Variants in ADARB2 observed in about 807,000 individuals in gnomAD.
ADARB2 encodes the protein adenosine deaminase RNA specific B2 (inactive).
A neutral mutation model predicts 62.2 loss-of-function variants in ADARB2; 25 were observed. The ratio of observed to expected loss-of-function variants is 0.40; its 90% CI spans 0.29 to 0.56. The LOEUF (loss-of-function observed/expected upper bound fraction) is 0.56. Among genes scored for constraint, ADARB2 ranks in the 20% least tolerant of loss-of-function variants. The pLI, the probability that ADARB2 is intolerant of heterozygous loss-of-function variation, is 0.43. For synonymous variants in ADARB2, 572 were observed against 500.8 expected (o/e 1.14, Z -1.90); for missense variants, 1,071 against 1,077.4 (o/e 0.99, Z 0.08).
chr10:1,576,353 A>G lies in ADARB2; in HGVS notation c.100+160698T>C, dbSNP rs185359268. ...GGGTCACAGGATGGGTCTCAGGGTC[A>G]CAGGAAGTGGCTTAGGGTCACAGGA... On this transcript the variant is annotated intron_variant, in intron 1 of 9. Coordinates refer to ENST00000381312, the MANE Select transcript of ADARB2 (RefSeq NM_018702.4). Among the ~76,000 whole-genome samples, 113 of 144,806 alleles carry G rather than the reference A, an allele frequency of 7.8e-4. 1 individual carries two copies. In the East Asian group the frequency reaches 0.021, roughly 27 times the overall value. The allele number at this position is 144,806 out of a possible 152,430, so 95.0% of individuals were successfully genotyped here.
intron 1 of ADARB2, among the ~76,000 whole-genome samples, chr10:1,574,420 G>A (rs1322825290): frequency 6.6e-6 from 1 of 152,192 alleles, no homozygotes; most frequent in African/African-American, 2.4e-5. Context: ...CCAGAGGACG[G>A]GTTAGAAGTG....
chr10:1,248,156 C>A (rs1462935378), intron 4 of ADARB2, among the ~76,000 whole-genome samples: 1 of 152,154 alleles, frequency 6.6e-6, no homozygotes. Context: ...ACTGAGGTCC[C>A]GTCTCCAGCT....
chr10:1,316,604 T>G (rs1831742304), intron 3 of ADARB2, among the ~76,000 whole-genome samples: 1 of 152,218 alleles, frequency 6.6e-6, no homozygotes, highest in Non-Finnish European at 1.5e-5. Flanking sequence ...GTAAATCTTA[T>G]GTATTCAGAG....
chr10:1,204,957 T>G (rs911295639), intron 7 of ADARB2, among the ~76,000 whole-genome samples: 1 of 152,194 alleles, frequency 6.6e-6, no homozygotes, highest in Admixed American at 6.5e-5. Context: ...GACTGTGACA[T>G]CCACAGGGTG....
chr10:1,333,232 A>T (rs1831945268), intron 3 of ADARB2, among the ~76,000 whole-genome samples: 1 of 152,152 alleles, frequency 6.6e-6, no homozygotes, highest in Admixed American at 6.5e-5. Context: ...CTTAGTTTGG[A>T]GTCATCTGAT....
chr10:1,661,537 G>A lies in ADARB2; in HGVS notation c.100+75514C>T, dbSNP rs549147495. On this transcript the variant is annotated intron_variant, in intron 1 of 9. Transcript: ENST00000381312. The stretch of plus-strand genomic sequence containing the variant: ...CTGTCTGAAGAGGCAGCTAGGGTTG[G>A]GGGAGGGCCCCGGCAAGCACCTAGA... Among the ~76,000 whole-genome samples the A allele has an allele frequency of 2.4e-4, 36 of 152,320 alleles. 1 individual carries two copies. The East Asian group carries it at 2.7e-3, about 11-fold the overall frequency.
At chr10:1,299,445 C>T (rs941134279) in intron 3 of ADARB2, among the ~76,000 whole-genome samples, 15 of 152,186 alleles carry the variant, frequency 9.9e-5, no homozygotes, top group African/African-American at 3.6e-4. Flanking sequence ...ATTCTAGAGT[C>T]ACTTTAAGTC....
chr10:1,215,361 C>T (rs1837219870), intron 7 of ADARB2, among the ~76,000 whole-genome samples: 1 of 152,230 alleles, frequency 6.6e-6, no homozygotes, highest in South Asian at 2.1e-4. Context: ...TCCGTTCTCT[C>T]CCCAGATCGT....
At chr10:1,309,289 T>C (rs1831662506) in intron 3 of ADARB2, among the ~76,000 whole-genome samples, 1 of 152,228 alleles carries the variant, frequency 6.6e-6, no homozygotes, top group African/African-American at 2.4e-5. Context: ...TAAGATTGCC[T>C]CTCAGCGGAT....
At chr10:1,450,789 T>G (rs1271720069) in intron 1 of ADARB2, among the ~76,000 whole-genome samples, 1 of 152,220 alleles carries the variant, frequency 6.6e-6, no homozygotes, top group East Asian at 1.9e-4. Flanking sequence ...GGAGCATGCC[T>G]TGGTGTTGTT....
intron 1 of ADARB2, among the ~76,000 whole-genome samples, chr10:1,613,676 G>C (rs924072546): frequency 1.3e-5 from 2 of 152,228 alleles, no homozygotes; most frequent in African/African-American, 2.4e-5. Context: ...TCTTTTGGTA[G>C]AGTCTTCAAA....
chr10:1,511,986 A>G (rs1831942614), intron 1 of ADARB2, among the ~76,000 whole-genome samples: 1 of 151,936 alleles, frequency 6.6e-6, no homozygotes, highest in African/African-American at 2.4e-5. Context: ...TTGGATACTA[A>G]GACATGGATG....
At chr10:1,382,162 AC>A (rs963576040) in intron 1 of ADARB2, among the ~76,000 whole-genome samples, 6 of 152,088 alleles carry the variant, frequency 3.9e-5, no homozygotes, top group African/African-American at 1.4e-4. Flanking sequence ...TATGGAAAAA[AC>A]AATGGCAAAA....
chr10:1,543,891 G>A (rs538076015), intron 1 of ADARB2, among the ~76,000 whole-genome samples: 4 of 151,268 alleles, frequency 2.6e-5, no homozygotes, highest in African/African-American at 7.3e-5. Flanking sequence ...ATCCCATCAA[G>A]TCAATTTTGT....
intron 1 of ADARB2, among the ~76,000 whole-genome samples, chr10:1,511,890 A>T (rs1831941239): frequency 6.6e-6 from 1 of 151,996 alleles, no homozygotes; most frequent in South Asian, 2.1e-4. Flanking sequence ...TCTACACTGG[A>T]TACCAAGACA....
intron 1 of ADARB2, among the ~76,000 whole-genome samples, chr10:1,399,623 G>A (rs905886879): frequency 4.6e-5 from 7 of 152,130 alleles, no homozygotes; most frequent in African/African-American, 1.7e-4. Context: ...ATGCTCTGTG[G>A]GGGTCGTCCT....
At chr10:1,461,322 T>C (rs1225004676) in intron 1 of ADARB2, among the ~76,000 whole-genome samples, 1 of 152,200 alleles carries the variant, frequency 6.6e-6, no homozygotes, top group East Asian at 1.9e-4. Context: ...AGAACACGTG[T>C]ACTTGTCAGG....
intron 1 of ADARB2, among the ~76,000 whole-genome samples, chr10:1,532,530 C>T (rs369195814): frequency 2.2e-4 from 34 of 152,072 alleles, no homozygotes; most frequent in African/African-American, 8.2e-4. Context: ...CTGGCATTGA[C>T]CAGGGGAAGG....
intron 1 of ADARB2, among the ~76,000 whole-genome samples, chr10:1,505,382 G>GT (rs202238668): frequency 0.18 from 24,691 of 138,396 alleles, 2,192 homozygotes; most frequent in Middle Eastern, 0.23. Flanking sequence ...GAGGGTTTTT[G>GT]TTTTTTTTTT....
Sources: allele counts gnomAD v4.1 joint callset (sites outside exome capture counted in the v4.1 genomes callset), GRCh38; gene constraint gnomAD v4.1.1; transcripts MANE v1.5; gene names NCBI Gene and HGNC (gene_info 2026-07-23, HGNC 2026-07-21).